The following PARD3 variants were observed in gnomAD, a reference collection of about 807,000 sequenced individuals.
PARD3 encodes par-3 family cell polarity regulator.
Under a neutral mutation model 155.4 loss-of-function variants are expected in PARD3, and 75 were observed. That is an observed-to-expected ratio of 0.48 (90% confidence interval 0.40 to 0.58). The LOEUF (loss-of-function observed/expected upper bound fraction) is 0.58, where lower values mean the gene tolerates loss of function less well. Ranked by LOEUF, PARD3 falls within the 20% of genes least tolerant of loss-of-function variation. The pLI, the probability that PARD3 is intolerant of heterozygous loss-of-function variation, is 0.00. For missense variants in PARD3, 1,642 were observed against 1,721.7 expected (o/e 0.95, Z 0.82); for synonymous variants, 576 against 610.5 (o/e 0.94, Z 0.83).
chr10:34,538,218 T>C (rs2083348809), intron 2 of PARD3, among the ~76,000 whole-genome samples: 2 of 152,206 alleles, frequency 1.3e-5, no homozygotes, highest in South Asian at 4.1e-4. Flanking sequence ...AAGAAAAACC[T>C]CTGAATTCGG....
intron 1 of PARD3, among the ~76,000 whole-genome samples, chr10:34,752,293 A>G (rs1273219250): frequency 6.6e-6 from 1 of 151,996 alleles, no homozygotes; most frequent in Non-Finnish European, 1.5e-5. Flanking sequence ...AAAAAAAGTA[A>G]GATAAAAATT....
intron 22 of PARD3, among the ~76,000 whole-genome samples, chr10:34,241,371 A>G (rs1037304918): frequency 2.0e-5 from 3 of 152,134 alleles, no homozygotes; most frequent in Non-Finnish European, 4.4e-5. Flanking sequence ...GCGTGGCTGG[A>G]CAGTGAACAC....
intron 22 of PARD3, among the ~76,000 whole-genome samples, chr10:34,136,522 G>T (rs984128830): frequency 6.6e-6 from 1 of 151,930 alleles, no homozygotes; most frequent in African/African-American, 2.4e-5. Flanking sequence ...AGGTGGTCTC[G>T]GTATACACTA....
chr10:34,540,120 T>C (rs1295063473), intron 2 of PARD3, among the ~76,000 whole-genome samples: 2 of 152,178 alleles, frequency 1.3e-5, no homozygotes, highest in Non-Finnish European at 2.9e-5. Flanking sequence ...CAGGCAGCTC[T>C]AAGGCTTCTT....
chr10:34,202,698 A>C (rs896444090), intron 22 of PARD3, among the ~76,000 whole-genome samples: 2 of 152,200 alleles, frequency 1.3e-5, no homozygotes, highest in South Asian at 2.1e-4. Context: ...TATATGCATC[A>C]ATATAGCCAA....
At chr10:34,447,407 G>A (rs2076794898) in intron 5 of PARD3, among the ~76,000 whole-genome samples, 2 of 141,270 alleles carry the variant, frequency 1.4e-5, no homozygotes, top group South Asian at 4.6e-4. Flanking sequence ...CTTGAACCCA[G>A]GAGGTAGAAG....
At chr10:34,470,358 C>A in intron 3 of PARD3, 95 bp from the exon 4 acceptor site, 2 of 931,460 alleles carry the variant, frequency 2.1e-6, no homozygotes, top group South Asian at 2.3e-5. Flanking sequence ...GATTAAGGAA[C>A]AGAATTACAC....
At chr10:34,310,358 A>G (rs1457596190) in intron 20 of PARD3, among the ~76,000 whole-genome samples, 1 of 152,184 alleles carries the variant, frequency 6.6e-6, no homozygotes, top group East Asian at 1.9e-4. Context: ...TTTTCACATC[A>G]ATTGCAGAAA....
chr10:34,780,131 T>G (rs928376207), intron 1 of PARD3, among the ~76,000 whole-genome samples: 3 of 152,350 alleles, frequency 2.0e-5, no homozygotes, highest in Admixed American at 6.5e-5. Flanking sequence ...GCTTCTTTTG[T>G]ATGAATGGTT....
intron 1 of PARD3, among the ~76,000 whole-genome samples, chr10:34,759,022 T>C (rs1267722850): frequency 1.3e-5 from 2 of 151,794 alleles, no homozygotes; most frequent in Non-Finnish European, 2.9e-5. Flanking sequence ...AGCTACAGAA[T>C]CATAGGCACT....
chr10:34,668,106 C>T (rs1446834942), intron 2 of PARD3, among the ~76,000 whole-genome samples: 5 of 152,034 alleles, frequency 3.3e-5, no homozygotes, highest in African/African-American at 4.8e-5. Flanking sequence ...ACCACGGGTT[C>T]GTAAATGCAA....
At chr10:34,578,192 A>G (rs2087065438) in intron 2 of PARD3, among the ~76,000 whole-genome samples, 1 of 152,102 alleles carries the variant, frequency 6.6e-6, no homozygotes, top group Non-Finnish European at 1.5e-5. Flanking sequence ...ACCTCCTTAC[A>G]ATATTCCAAC....
Position 34,225,009 on chromosome 10 carries a change from G to C in PARD3, c.3419+44648C>G, listed in dbSNP as rs558745725. On this transcript the variant is annotated intron_variant, in intron 22 of 24. Transcript: ENST00000374788. The stretch of plus-strand genomic sequence containing the variant: ...CTTGACTGTTTTAAATTTTGAAAGA[G>C]AGACAGAAAAAAAAGAGACCAAGAT... Among the ~76,000 whole-genome samples the C allele has an allele frequency of 4.8e-4, 73 of 151,960 alleles. 2 individuals are homozygous for C. The highest frequency in any genetic ancestry group is 4.6e-3 in the Admixed American group (71 of 15,276).
chr10:34,225,115 A>G (rs1952519593), intron 22 of PARD3, among the ~76,000 whole-genome samples: 3 of 152,212 alleles, frequency 2.0e-5, no homozygotes, highest in Non-Finnish European at 4.4e-5. Flanking sequence ...GCCATTGAAA[A>G]CACCAAGATG....
chr10:34,216,311 CTCTTTGGAAATT>C (rs2133437958), intron 22 of PARD3, among the ~76,000 whole-genome samples: 1 of 152,308 alleles, frequency 6.6e-6, no homozygotes, highest in South Asian at 2.1e-4. Context: ...ACTGGATGAT[CTCTTTGGAAATT>C]TTATAAATGG....
chr10:34,503,991 G>A (rs961821103), intron 3 of PARD3, among the ~76,000 whole-genome samples: 1 of 152,160 alleles, frequency 6.6e-6, no homozygotes, highest in African/African-American at 2.4e-5. Context: ...AGTTAAAGCA[G>A]GGATCAGTTC....
chr10:34,727,663 T>A (rs2094739259), intron 1 of PARD3, among the ~76,000 whole-genome samples: 1 of 152,188 alleles, frequency 6.6e-6, no homozygotes, highest in South Asian at 2.1e-4. Flanking sequence ...GTTTTCTTTC[T>A]GCTCCCGGTC....
At chr10:34,764,750 T>C (rs1286624825) in intron 1 of PARD3, among the ~76,000 whole-genome samples, 1 of 152,148 alleles carries the variant, frequency 6.6e-6, no homozygotes, top group Admixed American at 6.5e-5. Context: ...AAGGCAAAAC[T>C]GAGCCCAGGA....
chr10:34,697,766 A>AACACGCACACACACACAC (rs377094946), intron 1 of PARD3, among the ~76,000 whole-genome samples: 1 of 146,428 alleles, frequency 6.8e-6, no homozygotes, highest in Non-Finnish European at 1.5e-5. Context: ...TTGTAAAACA[A>AACACGCACACACACACAC]ACACTCACAC....
Sources: allele counts gnomAD v4.1 joint callset (sites outside exome capture counted in the v4.1 genomes callset), GRCh38; gene constraint gnomAD v4.1.1; transcripts MANE v1.5; gene names NCBI Gene and HGNC (gene_info 2026-07-23, HGNC 2026-07-21).